The following PDE7B variants were observed in gnomAD, a reference collection of about 807,000 sequenced individuals.
PDE7B encodes phosphodiesterase 7B.
A neutral mutation model predicts 56.2 loss-of-function variants in PDE7B; 29 were observed. The ratio of observed to expected loss-of-function variants is 0.52; its 90% confidence interval spans 0.38 to 0.70. The LOEUF (loss-of-function observed/expected upper bound fraction) is 0.70. PDE7B is among the 30% of genes least tolerant of loss of function. The pLI, the probability that PDE7B is intolerant of heterozygous loss-of-function variation, is 0.00. For missense variants in PDE7B, 490 were observed against 565.0 expected, an observed-to-expected ratio of 0.87 and a Z score of 1.35; for synonymous variants, 197 against 196.9, an observed-to-expected ratio of 1.00 and a Z score of 0.00.
Position 136,147,473 on chromosome 6 carries a change from C to G in PDE7B, c.289C>G (p.Leu97Val), listed in dbSNP as rs1044618177. Residue 97 changes from leucine to valine, a missense_variant, in exon 4 of 13, where the codon CTG becomes GTG. By Grantham distance (32) the Leu-to-Val change is conservative. Transcript: ENST00000308191. ...TATACCACAAGCCCCTCTGCACCTG[C>G]TGGATGAAGACTACCTTGGACAAGC... ...GIIPQAPLHL[L>V]DEDYLGQARH... is the part of the protein sequence containing the mutation. 3.1e-6 allele frequency: 5 copies of G among 1,613,780 alleles called. No homozygotes were observed. The African/African-American group carries it at 6.7e-5, about 22-fold the overall frequency.
chr6:136,067,098 A>T (rs1323656856), intron 2 of PDE7B, among the ~76,000 whole-genome samples: 1 of 151,866 alleles, frequency 6.6e-6, no homozygotes, highest in Non-Finnish European at 1.5e-5. Flanking sequence ...CAATCCTCCC[A>T]CCTCAGCTTC....
At chr6:136,032,857 T>C (rs1776264847) in intron 2 of PDE7B, among the ~76,000 whole-genome samples, 1 of 152,238 alleles carries the variant, frequency 6.6e-6, no homozygotes, top group Non-Finnish European at 1.5e-5. Flanking sequence ...GTGTGATGGA[T>C]AAAAAGTTGC....
At chr6:135,912,113 A>AAC (rs1410908228) in intron 1 of PDE7B, among the ~76,000 whole-genome samples, 1 of 152,182 alleles carries the variant, frequency 6.6e-6, no homozygotes, top group Admixed American at 6.5e-5. Flanking sequence ...CACACACGTT[A>AAC]ACACATGTAA....
intron 8 of PDE7B, among the ~76,000 whole-genome samples, chr6:136,172,728 G>A (rs1337584014): frequency 1.3e-5 from 2 of 151,978 alleles, no homozygotes; most frequent in African/African-American, 2.4e-5. Context: ...GTCCTGAATG[G>A]TATTGCCTAG....
intron 2 of PDE7B, among the ~76,000 whole-genome samples, chr6:135,947,974 T>C (rs1213720381): frequency 6.6e-6 from 1 of 152,106 alleles, no homozygotes; most frequent in African/African-American, 2.4e-5. Context: ...AGCACAACTA[T>C]TATCGACACA....
At chr6:136,164,389 G>A (rs1778760425) in intron 8 of PDE7B, among the ~76,000 whole-genome samples, 1 of 152,038 alleles carries the variant, frequency 6.6e-6, no homozygotes, top group Admixed American at 6.6e-5. Flanking sequence ...TGGATTATAG[G>A]AACTACAATT....
intron 2 of PDE7B, among the ~76,000 whole-genome samples, chr6:135,989,508 G>A (rs1775443875): frequency 6.6e-6 from 1 of 152,134 alleles, no homozygotes; most frequent in Admixed American, 6.5e-5. Flanking sequence ...CAGCTACTCA[G>A]GAGGCTGAGG....
At chr6:136,079,009 G>C (rs1290572352) in intron 2 of PDE7B, among the ~76,000 whole-genome samples, 2 of 152,024 alleles carry the variant, frequency 1.3e-5, no homozygotes, top group South Asian at 2.1e-4. Context: ...CCCTCATACT[G>C]TTGTCCAACC....
intron 2 of PDE7B, among the ~76,000 whole-genome samples, chr6:136,023,966 G>A (rs1021959829): frequency 4.6e-5 from 7 of 152,120 alleles, no homozygotes; most frequent in Non-Finnish European, 1.0e-4. Flanking sequence ...CAGGCTTTTT[G>A]CAATGCCATT....
chr6:135,900,989 G>A (rs1170715227), intron 1 of PDE7B, among the ~76,000 whole-genome samples: 1 of 152,132 alleles, frequency 6.6e-6, no homozygotes, highest in Non-Finnish European at 1.5e-5. Flanking sequence ...ATTTTACCAA[G>A]TGTTTTCCCC....
intron 1 of PDE7B, among the ~76,000 whole-genome samples, chr6:135,890,451 T>G (rs1775790574): frequency 6.6e-6 from 1 of 152,220 alleles, no homozygotes; most frequent in Admixed American, 6.5e-5. Context: ...AAATCATTCA[T>G]GTTTGGCAGC....
intron 2 of PDE7B, among the ~76,000 whole-genome samples, chr6:135,995,453 T>C (rs1408142917): frequency 6.6e-6 from 1 of 152,218 alleles, no homozygotes; most frequent in East Asian, 1.9e-4. Context: ...AGAACAAATT[T>C]CTGACTCATG....
At chr6:135,939,127 T>C (rs1774467184) in intron 1 of PDE7B, among the ~76,000 whole-genome samples, 1 of 152,152 alleles carries the variant, frequency 6.6e-6, no homozygotes, top group Non-Finnish European at 1.5e-5. Flanking sequence ...GCAATAGCAT[T>C]AATATCTTTC....
chr6:136,143,401 G>C (rs1778361915), intron 3 of PDE7B, among the ~76,000 whole-genome samples: 1 of 151,704 alleles, frequency 6.6e-6, no homozygotes, highest in Non-Finnish European at 1.5e-5. Flanking sequence ...CTAGAGTCAG[G>C]GGAATGAGGC....
chr6:135,970,541 C>T (rs1775076733), intron 2 of PDE7B, among the ~76,000 whole-genome samples: 1 of 152,036 alleles, frequency 6.6e-6, no homozygotes, highest in South Asian at 2.1e-4. Flanking sequence ...CGAAATGGGG[C>T]CTAAGATTAG....
chr6:136,018,643 C>T (rs1370688549), intron 2 of PDE7B, among the ~76,000 whole-genome samples: 1 of 152,148 alleles, frequency 6.6e-6, no homozygotes, highest in Non-Finnish European at 1.5e-5. Context: ...AATACAAACT[C>T]TTAAATTACC....
At chr6:135,975,428 G>A (rs1428759092) in intron 2 of PDE7B, among the ~76,000 whole-genome samples, 1 of 152,126 alleles carries the variant, frequency 6.6e-6, no homozygotes, top group Admixed American at 6.6e-5. Context: ...AAGGATATGA[G>A]CTTTGAGGAA....
chr6:135,858,154 T>A (rs1472539797), intron 1 of PDE7B, among the ~76,000 whole-genome samples: 2 of 152,100 alleles, frequency 1.3e-5, no homozygotes, highest in African/African-American at 4.8e-5. Context: ...TTAATTACTA[T>A]TTTTTTGTTT....
At chr6:135,936,517 C>T (rs1774425529) in intron 1 of PDE7B, among the ~76,000 whole-genome samples, 2 of 152,174 alleles carry the variant, frequency 1.3e-5, no homozygotes, top group South Asian at 4.1e-4. Flanking sequence ...CCTGGCAGCT[C>T]ACAGTGTCGT....
Sources: gnomAD v4.1 joint callset for allele counts (sites outside exome capture counted in the v4.1 genomes callset) on GRCh38, gnomAD v4.1.1 for gene constraint, MANE v1.5 for transcripts, NCBI Gene and HGNC (gene_info 2026-07-23, HGNC 2026-07-21) for gene names.